Variants in SMCHD1 observed in about 807,000 individuals in gnomAD.
SMCHD1 encodes the protein structural maintenance of chromosomes flexible hinge domain containing 1.
In SMCHD1, 78 loss-of-function variants were observed where a neutral mutation model predicts 254.7. The observed-to-expected ratio is 0.31, with a 90% CI of 0.26 to 0.37. The LOEUF is 0.37. Ranked by LOEUF, SMCHD1 falls within the 10% of genes least tolerant of loss-of-function variation. The pLI, the probability that SMCHD1 is intolerant of heterozygous loss-of-function variation, is 1.00. For missense variants in SMCHD1, 1,840 were observed against 2,408.1 expected, an observed-to-expected ratio of 0.76 and a Z score of 4.94; for synonymous variants, 766 against 794.9, an observed-to-expected ratio of 0.96 and a Z score of 0.61.
At chr18:2,690,457 A>T (rs2143074213) in intron 7 of SMCHD1, among the ~76,000 whole-genome samples, 1 of 152,160 alleles carries the variant, frequency 6.6e-6, no homozygotes, top group East Asian at 1.9e-4. Flanking sequence ...TATAATTTTA[A>T]TAGCTGTGGT....
intron 3 of SMCHD1, among the ~76,000 whole-genome samples, chr18:2,672,351 C>T (rs922088788): frequency 3.3e-5 from 5 of 152,046 alleles, no homozygotes; most frequent in African/African-American, 7.2e-5. Context: ...CTCAGCCTCC[C>T]GAGTAGCTGG....
chr18:2,800,913 A>G (rs2076350234), intron 47 of SMCHD1: 1 of 152,198 alleles, frequency 6.6e-6, no homozygotes, highest in South Asian at 2.1e-4. Context: ...CAATTTAGTA[A>G]AGAGACTAGA....
intron 32 of SMCHD1, among the ~76,000 whole-genome samples, chr18:2,751,026 T>A (rs538092083): frequency 1.7e-4 from 26 of 152,248 alleles, no homozygotes; most frequent in African/African-American, 5.8e-4. Context: ...GTAAATATTC[T>A]GTTCTTGGAA....
In SMCHD1 at chr18:2,735,075, A is replaced by T. The variant is rs528081502; in HGVS notation, c.3276+2583A>T. 2.4e-4 allele frequency among the ~76,000 whole-genome samples: 37 copies of T among 152,250 alleles called. No homozygotes were observed. In the South Asian group the frequency reaches 5.2e-3, roughly 21 times the overall value. On this transcript the variant is annotated intron_variant, in intron 25 of 47. Coordinates refer to ENST00000320876, the MANE Select transcript of SMCHD1 (RefSeq NM_015295.3). ...ACAGAGCAAGACTCATCTCAAAAAA[A>T]AAAAGTTAATTCACCACGAACAAGT... is the stretch of plus-strand genomic sequence containing the variant.
At position 2,673,231 on chromosome 18, in the gene SMCHD1, A is replaced by G. The variant is rs1370445859; in HGVS notation, c.425-50A>G. The G allele has an allele frequency of 6.0e-6, 9 of 1,507,274 alleles. No homozygotes were observed. In the Admixed American group the frequency reaches 1.1e-4, roughly 18 times the overall value. The allele number at this position is 1,507,274 out of a possible 1,614,324, so 93.4% of individuals were successfully genotyped here. ...TTTCTTCTTCTTTGAACTTTTATAT[A>G]AAGTATGTGGGAGGGAAAAGTTAAG... On this transcript the variant is annotated intron_variant, in intron 3 of 47. Transcript: ENST00000320876.
At chr18:2,661,720 G>A (rs908927594) in intron 1 of SMCHD1, among the ~76,000 whole-genome samples, 2 of 152,190 alleles carry the variant, frequency 1.3e-5, no homozygotes, top group African/African-American at 4.8e-5. Flanking sequence ...GCCATTGTTT[G>A]AAGAAGAGAA....
intron 35 of SMCHD1, 110 bp downstream of exon 35, chr18:2,760,849 A>G: frequency 5.3e-6 from 3 of 564,628 alleles, no homozygotes; most frequent in Non-Finnish European, 9.4e-6. Context: ...TAGTTTATGA[A>G]TGAAATATTT....
At chr18:2,784,309 T>G (rs1380333361) in intron 44 of SMCHD1, 141 bp from the exon 45 acceptor site, 1 of 653,410 alleles carries the variant, frequency 1.5e-6, no homozygotes, top group Non-Finnish European at 2.5e-6. Flanking sequence ...CAGTTTATCT[T>G]ACATATTGCT....
intron 37 of SMCHD1, among the ~76,000 whole-genome samples, chr18:2,767,413 G>A (rs1040560407): frequency 6.6e-6 from 1 of 152,026 alleles, no homozygotes; most frequent in Non-Finnish European, 1.5e-5. Context: ...AGTAAATTAA[G>A]GAGAAATATT....
chr18:2,726,749 T>C (rs2143440863), intron 22 of SMCHD1: 1 of 236,388 alleles, frequency 4.2e-6, no homozygotes, highest in East Asian at 9.2e-5. Flanking sequence ...AAAATTTGGA[T>C]ATTGAAAATG....
At chr18:2,720,597 G>A (rs2074904042) in intron 19 of SMCHD1, among the ~76,000 whole-genome samples, 1 of 152,176 alleles carries the variant, frequency 6.6e-6, no homozygotes, top group African/African-American at 2.4e-5. Flanking sequence ...ATTCCCCGGA[G>A]TGGAGCCTTT....
intron 41 of SMCHD1, among the ~76,000 whole-genome samples, chr18:2,772,669 C>A (rs966164002): frequency 6.6e-6 from 1 of 152,212 alleles, no homozygotes; most frequent in Non-Finnish European, 1.5e-5. Flanking sequence ...GACAGTCTGT[C>A]ACCCAGGCTG....
chr18:2,769,318 A>C (rs1312148926), intron 37 of SMCHD1, among the ~76,000 whole-genome samples: 2 of 152,186 alleles, frequency 1.3e-5, no homozygotes, highest in Admixed American at 6.5e-5. Context: ...CTTTCACACT[A>C]TCAGCTCTTT....
At chr18:2,759,251 C>T (rs1408879290) in intron 34 of SMCHD1, among the ~76,000 whole-genome samples, 1 of 151,906 alleles carries the variant, frequency 6.6e-6, no homozygotes. Context: ...TGCTTCTGTC[C>T]GTTGTCTGGG....
chr18:2,685,927 C>A (rs1330245736), intron 5 of SMCHD1, among the ~76,000 whole-genome samples: 1 of 152,200 alleles, frequency 6.6e-6, no homozygotes, highest in Non-Finnish European at 1.5e-5. Flanking sequence ...TGAACATTTG[C>A]ATGCAAAATC....
chr18:2,772,222 G>C, intron 40 of SMCHD1, 28 bp from the exon 41 acceptor site: 1 of 1,529,988 alleles, frequency 6.5e-7, no homozygotes, highest in African/African-American at 1.4e-5. Flanking sequence ...AATTGGTCTT[G>C]TAGTTAATTT....
chr18:2,673,465 A>G (rs970147578), intron 4 of SMCHD1, 102 bp downstream of exon 4: 43 of 871,828 alleles, frequency 4.9e-5, no homozygotes, highest in Non-Finnish European at 6.8e-5. Context: ...TAAAAGTAGA[A>G]ATAATTGTCA....
intron 25 of SMCHD1, among the ~76,000 whole-genome samples, chr18:2,733,971 C>T (rs2075197139): frequency 6.6e-6 from 1 of 152,186 alleles, no homozygotes; most frequent in Admixed American, 6.5e-5. Context: ...ACATGTTTGG[C>T]ACTATGTAGG....
intron 9 of SMCHD1, chr18:2,697,362 G>A: frequency 2.8e-6 from 1 of 358,022 alleles, no homozygotes; most frequent in East Asian, 5.4e-5. Context: ...GTGGAGCTAT[G>A]CATTGTTACT....
Sources: gnomAD v4.1 joint callset for allele counts (sites outside exome capture counted in the v4.1 genomes callset) on GRCh38, gnomAD v4.1.1 for gene constraint, MANE v1.5 for transcripts, NCBI Gene and HGNC (gene_info 2026-07-23, HGNC 2026-07-21) for gene names.